The following MCPH1 variants were observed in gnomAD, a reference collection of about 807,000 sequenced individuals.
MCPH1 encodes the protein microcephalin.
MCPH1 carries 104 observed loss-of-function variants against 84.5 expected under a neutral mutation model. The observed-to-expected ratio is 1.23, with a 90% confidence interval of 1.05 to 1.45. The LOEUF (loss-of-function observed/expected upper bound fraction) is 1.45, where lower values mean the gene tolerates loss of function less well. Among genes scored for constraint, MCPH1 ranks in the 40% most tolerant of loss-of-function variants. The probability of loss-of-function intolerance (pLI) is 0.00; values close to 1 mark genes in which losing one functional copy is unlikely to be tolerated. For missense variants in MCPH1, 1,498 were observed against 1,005.7 expected (o/e 1.49, Z -6.62); for synonymous variants, 514 against 366.8 (o/e 1.40, Z -4.58).
In MCPH1 at chr8:6,612,342, C is replaced by T. The variant is rs117262792; in HGVS notation, c.2215-9112C>T. 7.0e-3 allele frequency among the ~76,000 whole-genome samples: 1,073 copies of T among 152,326 alleles called. 8 individuals are homozygous for T. The highest frequency in any genetic ancestry group is 0.012 in the Admixed American group (176 of 15,300). On this transcript the variant is annotated intron_variant, in intron 12 of 13. Coordinates refer to ENST00000344683, the MANE Select transcript of MCPH1 (RefSeq NM_024596.5). ...CCAACCTCCTCTCCTCCACAGCCAGCCCACTTCCCGGGCGTGATAACTCTT... is the reference window on the plus strand; with the variant it reads ...CCAACCTCCTCTCCTCCACAGCCAGTCCACTTCCCGGGCGTGATAACTCTT...
At chr8:6,620,799 G>C (rs1336974657) in intron 12 of MCPH1, among the ~76,000 whole-genome samples, 1 of 152,154 alleles carries the variant, frequency 6.6e-6, no homozygotes, top group South Asian at 2.1e-4. Flanking sequence ...CACATTGCCA[G>C]AATGAGAAGC....
intron 12 of MCPH1, among the ~76,000 whole-genome samples, chr8:6,522,318 G>A (rs1817514349): frequency 6.6e-6 from 1 of 151,838 alleles, no homozygotes; most frequent in African/African-American, 2.4e-5. Context: ...TCATGCCACT[G>A]CACTCCAGCC....
intron 2 of MCPH1, among the ~76,000 whole-genome samples, chr8:6,414,142 A>G (rs140273718): frequency 6.4e-4 from 97 of 152,258 alleles, no homozygotes; most frequent in African/African-American, 2.2e-3. Context: ...TGCATTTAAG[A>G]TTACAGGCGT....
intron 12 of MCPH1, among the ~76,000 whole-genome samples, chr8:6,583,403 T>C (rs1827720575): frequency 6.6e-6 from 1 of 152,232 alleles, no homozygotes; most frequent in African/African-American, 2.4e-5. Flanking sequence ...AGACTTTTCT[T>C]GCGCTGCAAG....
intron 12 of MCPH1, among the ~76,000 whole-genome samples, chr8:6,609,360 T>C (rs1298589800): frequency 6.6e-6 from 1 of 152,216 alleles, no homozygotes; most frequent in African/African-American, 2.4e-5. Flanking sequence ...CTCGCAGTTG[T>C]TGAAAACTAT....
rs1813131542 is a variant in MCPH1 at position 6,505,255 on chromosome 8, A to ATATAGAATATATATATTCTT, written c.2214+5329_2214+5330insAGAATATATATATTCTTTAT. Among the ~76,000 whole-genome samples the ATATAGAATATATATATTCTT allele has an allele frequency of 9.4e-5, 2 of 21,220 alleles. 1 individual carries two copies. Among genetic ancestry groups the ATATAGAATATATATATTCTT allele is most frequent in the Non-Finnish European group, 2.0e-4 (2 of 10,092 alleles). 13.9% of individuals were successfully genotyped at this position (21,220 alleles called of 152,430 possible). A position where few individuals can be genotyped will look rare whatever the true frequency, so the allele number is the denominator to read the frequency against. ...TATATATAGAATATATATTCTTTAT[A>ATATAGAATATATATATTCTT]TATGTTTTATATATATGTATACATA... On this transcript the variant is annotated intron_variant, in intron 12 of 13. Coordinates refer to ENST00000344683, the MANE Select transcript of MCPH1 (RefSeq NM_024596.5).
At chr8:6,412,093 C>A (rs1009247825) in intron 2 of MCPH1, among the ~76,000 whole-genome samples, 11 of 152,154 alleles carry the variant, frequency 7.2e-5, no homozygotes, top group Admixed American at 2.0e-4. Flanking sequence ...GTGGGTGCTA[C>A]TGAATACCCT....
At chr8:6,455,478 A>G (rs1249986070) in intron 9 of MCPH1, among the ~76,000 whole-genome samples, 1 of 152,232 alleles carries the variant, frequency 6.6e-6, no homozygotes, top group Non-Finnish European at 1.5e-5. Context: ...CACTTTGCTA[A>G]TGCATTTCTT....
At chr8:6,509,081 A>G (rs1444663586) in intron 12 of MCPH1, 3 of 1,610,720 alleles carry the variant, frequency 1.9e-6, no homozygotes, top group Admixed American at 1.7e-5. Context: ...GTGCAAAGAA[A>G]AAAAACACAT....
chr8:6,451,799 A>T (rs1252506274), intron 8 of MCPH1, among the ~76,000 whole-genome samples: 1 of 152,196 alleles, frequency 6.6e-6, no homozygotes, highest in Admixed American at 6.5e-5. Flanking sequence ...AGCTTAGAAG[A>T]CATTTCTCAT....
intron 11 of MCPH1, among the ~76,000 whole-genome samples, chr8:6,484,877 C>T (rs894859241): frequency 1.3e-5 from 2 of 152,200 alleles, no homozygotes; most frequent in South Asian, 2.1e-4. Flanking sequence ...TAGCATCTGC[C>T]TCTGCAGAAC....
At chr8:6,414,997 C>T (rs1487631476) in intron 3 of MCPH1, 114 bp downstream of exon 3, 3 of 1,041,400 alleles carry the variant, frequency 2.9e-6, no homozygotes, top group East Asian at 5.5e-5. Context: ...CTTTTCTCTG[C>T]CTCTTACCTC....
intron 12 of MCPH1, among the ~76,000 whole-genome samples, chr8:6,569,984 A>G (rs1024345294): frequency 3.3e-5 from 5 of 152,230 alleles, no homozygotes; most frequent in Non-Finnish European, 7.3e-5. Context: ...AAACCAGATC[A>G]TTAATGCAGA....
rs1226568057 is a variant in MCPH1 at position 6,444,965 on chromosome 8, T to C, written c.1243T>C (p.Tyr415His). 1.2e-6 allele frequency: 2 copies of C among 1,614,208 alleles called. No homozygotes were observed. The highest frequency in any genetic ancestry group is 1.7e-6 in the Non-Finnish European group (2 of 1,180,048). ...LSCGESSYDD[Y>H]FSPDNLKERY... Reference sequence around the variant, plus strand: ...CTGTGGGGAGTCTTCATATGATGACTATTTTTCACCTGATAATCTTAAGGA... The same window carrying C: ...CTGTGGGGAGTCTTCATATGATGACCATTTTTCACCTGATAATCTTAAGGA... Residue 415 changes from tyrosine (Y) to histidine (H), a missense_variant, in exon 8 of 14, where the codon TAT (tyrosine) becomes CAT (histidine). By Grantham distance (83) the Tyr-to-His change is moderately conservative. Transcript: ENST00000344683.
intron 12 of MCPH1, among the ~76,000 whole-genome samples, chr8:6,516,502 G>A (rs576795792): frequency 8.8e-4 from 134 of 152,260 alleles, no homozygotes; most frequent in African/African-American, 3.2e-3. Flanking sequence ...TTGGTAAATA[G>A]GCCAAAAGTC....
At chr8:6,581,125 T>C (rs1827535072) in intron 12 of MCPH1, among the ~76,000 whole-genome samples, 2 of 152,242 alleles carry the variant, frequency 1.3e-5, no homozygotes, top group African/African-American at 2.4e-5. Context: ...ATATAAAGAC[T>C]TGAGCATCCA....
chr8:6,574,655 T>C (rs1826925290), intron 12 of MCPH1, among the ~76,000 whole-genome samples: 3 of 152,226 alleles, frequency 2.0e-5, no homozygotes, highest in Admixed American at 2.0e-4. Flanking sequence ...ATGGTTGGAA[T>C]TTATAATTCA....
chr8:6,407,039 T>C lies in MCPH1; in HGVS notation c.22+350T>C, dbSNP rs1488461069. On this transcript the variant is annotated intron_variant, in intron 1 of 13. Transcript: ENST00000344683. ...CCTCAATCCCCCGCTGCCTGCTCCC[T>C]CCCCCATGCTGCCTGTCCCCCAAAT... 7 of 273,556 alleles carry C rather than the reference T, an allele frequency of 2.6e-5. No homozygotes were observed. The African/African-American group carries it at 2.9e-4, about 11-fold the overall frequency. 16.9% of individuals were successfully genotyped at this position (273,556 alleles called of 1,614,324 possible).
intron 7 of MCPH1, among the ~76,000 whole-genome samples, chr8:6,443,392 A>G (rs1167679077): frequency 1.4e-5 from 2 of 147,806 alleles, no homozygotes; most frequent in African/African-American, 2.7e-5. Context: ...TGCCTTGAAG[A>G]CACCTGGGGC....
Sources: allele counts gnomAD v4.1 joint callset (sites outside exome capture counted in the v4.1 genomes callset), GRCh38; gene constraint gnomAD v4.1.1; transcripts MANE v1.5; gene names NCBI Gene and HGNC (gene_info 2026-07-23, HGNC 2026-07-21).